The following RPS6KC1 variants were observed in gnomAD, a reference collection of about 807,000 sequenced individuals.
RPS6KC1 encodes inactive ribosomal protein S6 kinase delta-1.
RPS6KC1 carries 54 observed loss-of-function variants against 103.8 expected under a neutral mutation model. That is an observed-to-expected ratio of 0.52 (90% CI 0.42 to 0.65). RPS6KC1 has a LOEUF of 0.65. Ranked by LOEUF, RPS6KC1 falls within the 30% of genes least tolerant of loss-of-function variation. RPS6KC1 has a pLI of 0.00. For missense variants in RPS6KC1, 1,151 were observed against 1,253.8 expected (o/e 0.92, Z 1.24); for synonymous variants, 439 against 438.7 (o/e 1.00, Z -0.01).
chr1:213,859,525 A>G, the RPS6KC1 span, among the ~76,000 whole-genome samples: 3 of 152,238 alleles, frequency 2.0e-5, no homozygotes, highest in African/African-American at 4.8e-5. Flanking sequence ...CTGCCATTGC[A>G]GCACAAAAGC....
chr1:213,832,079 C>G, the RPS6KC1 span, among the ~76,000 whole-genome samples: 270 of 152,310 alleles, frequency 1.8e-3, 3 homozygotes, highest in East Asian at 0.014. Flanking sequence ...GTGGTATCAC[C>G]TCCAGGTCTT....
chr1:213,375,161 G>GCATACACA, the RPS6KC1 span, among the ~76,000 whole-genome samples: 4 of 145,810 alleles, frequency 2.7e-5, no homozygotes, highest in Non-Finnish European at 4.5e-5. Context: ...ATATATACAC[G>GCATACACA]CATACACACA....
At chr1:213,267,096 C>A (rs1434408391) in intron 14 of RPS6KC1, among the ~76,000 whole-genome samples, 1 of 151,634 alleles carries the variant, frequency 6.6e-6, no homozygotes, top group Non-Finnish European at 1.5e-5. Flanking sequence ...TGCACAGGAA[C>A]AGGGAGTGGG....
At chr1:213,686,131 C>T in the RPS6KC1 span, among the ~76,000 whole-genome samples, 2 of 152,160 alleles carry the variant, frequency 1.3e-5, no homozygotes, top group African/African-American at 4.8e-5. Context: ...AACCATTTAC[C>T]AGCCCTCCCC....
the RPS6KC1 span, among the ~76,000 whole-genome samples, chr1:213,796,295 AC>A: frequency 5.1e-4 from 77 of 152,256 alleles, 1 homozygote; most frequent in African/African-American, 1.8e-3. Flanking sequence ...CATTATACTT[AC>A]AGTCAATGGG....
intron 3 of RPS6KC1, among the ~76,000 whole-genome samples, chr1:213,098,638 G>C (rs1271645604): frequency 2.6e-5 from 4 of 152,054 alleles, no homozygotes; most frequent in Non-Finnish European, 4.4e-5. Context: ...TATTAACTAA[G>C]TTTGCGTTTT....
the RPS6KC1 span, among the ~76,000 whole-genome samples, chr1:213,339,991 C>G: frequency 1.3e-5 from 2 of 152,104 alleles, no homozygotes; most frequent in Non-Finnish European, 2.9e-5. Flanking sequence ...CTCCTGGGTT[C>G]AAGCAATTCT....
chr1:213,256,258 A>G (rs1402233550), intron 12 of RPS6KC1, among the ~76,000 whole-genome samples: 1 of 152,186 alleles, frequency 6.6e-6, no homozygotes, highest in African/African-American at 2.4e-5. Flanking sequence ...GAAATGAAGC[A>G]GGCTGTCCGT....
chr1:213,420,693 TC>T, the RPS6KC1 span, among the ~76,000 whole-genome samples: 1 of 151,938 alleles, frequency 6.6e-6, no homozygotes, highest in African/African-American at 2.4e-5. Context: ...CACAGAAGGC[TC>T]CCCCTCAATT....
At chr1:213,760,748 C>A in the RPS6KC1 span, among the ~76,000 whole-genome samples, 5 of 151,676 alleles carry the variant, frequency 3.3e-5, no homozygotes, top group African/African-American at 1.2e-4. Context: ...TTAGCCAGAT[C>A]TTGTAGATCT....
chr1:213,337,505 C>A, the RPS6KC1 span, among the ~76,000 whole-genome samples: 1 of 152,156 alleles, frequency 6.6e-6, no homozygotes, highest in Non-Finnish European at 1.5e-5. Context: ...ACTCTGTTTG[C>A]TTCTGGAGGA....
the RPS6KC1 span, among the ~76,000 whole-genome samples, chr1:213,337,992 A>T: frequency 6.6e-6 from 1 of 152,124 alleles, no homozygotes; most frequent in African/African-American, 2.4e-5. Context: ...GTGTGTCTGC[A>T]TGTGCATGTC....
chr1:213,118,035 A>AAAAAAAAAAAAAAAAAAAAACAC (rs1161625346), intron 5 of RPS6KC1, among the ~76,000 whole-genome samples: 1 of 149,000 alleles, frequency 6.7e-6, no homozygotes, highest in African/African-American at 2.5e-5. Context: ...AAAAAAAAAA[A>AAAAAAAAAAAAAAAAAAAAACAC]AAAAGCCTTA....
intron 8 of RPS6KC1, among the ~76,000 whole-genome samples, chr1:213,221,550 A>G (rs753852686): frequency 1.5e-4 from 23 of 152,212 alleles, no homozygotes; most frequent in Non-Finnish European, 2.8e-4. Context: ...TTTGATGAAG[A>G]ATCAGTAGTG....
At chr1:213,527,051 G>T in the RPS6KC1 span, among the ~76,000 whole-genome samples, 1 of 152,206 alleles carries the variant, frequency 6.6e-6, no homozygotes, top group Non-Finnish European at 1.5e-5. Context: ...AGTCATTGGA[G>T]AAAGAGTGGA....
At chr1:213,542,963 T>C in the RPS6KC1 span, among the ~76,000 whole-genome samples, 1 of 152,050 alleles carries the variant, frequency 6.6e-6, no homozygotes, top group Non-Finnish European at 1.5e-5. Flanking sequence ...TTGCTAAAGC[T>C]CTCTGTAAAG....
At chr1:213,056,541 A>T (rs901536483) in intron 1 of RPS6KC1, among the ~76,000 whole-genome samples, 6 of 152,238 alleles carry the variant, frequency 3.9e-5, no homozygotes, top group African/African-American at 1.4e-4. Flanking sequence ...TGATGTGAAC[A>T]AAGGGGAGTG....
chr1:213,480,843 G>A, the RPS6KC1 span, among the ~76,000 whole-genome samples: 1 of 151,988 alleles, frequency 6.6e-6, no homozygotes, highest in Admixed American at 6.6e-5. Flanking sequence ...TTTGTGAATG[G>A]TGTTTAATGT....
chr1:213,335,911 G>T, the RPS6KC1 span, among the ~76,000 whole-genome samples: 1 of 152,194 alleles, frequency 6.6e-6, no homozygotes, highest in Non-Finnish European at 1.5e-5. Context: ...AGGTGATCCG[G>T]TTTAGTGATT....
Sources: allele counts gnomAD v4.1 joint callset (sites outside exome capture counted in the v4.1 genomes callset), GRCh38; gene constraint gnomAD v4.1.1; transcripts MANE v1.5; gene names NCBI Gene and HGNC (gene_info 2026-07-23, HGNC 2026-07-21).